NCOR2: variants seen among roughly 807,000 people sequenced by gnomAD.
NCOR2 encodes the protein CTG repeat protein 26.
NCOR2 carries 81 observed loss-of-function variants against 262.9 expected under a neutral mutation model. The ratio of observed to expected loss-of-function variants is 0.31; its 90% CI spans 0.26 to 0.37. The LOEUF (loss-of-function observed/expected upper bound fraction) is 0.37, where lower values mean the gene tolerates loss of function less well. NCOR2 is among the 10% of genes least tolerant of loss of function. NCOR2 has a pLI of 1.00. For synonymous variants in NCOR2, 1,659 were observed against 1,559.3 expected (o/e 1.06, Z -1.51); for missense variants, 3,385 against 3,621.4 (o/e 0.93, Z 1.68).
At chr12:124,474,418 G>GT (rs11415648) in intron 3 of NCOR2, among the ~76,000 whole-genome samples, 150,506 of 152,288 alleles carry the variant, frequency 0.99, 74,378 homozygotes, top group East Asian at 1. Context: ...TAATACAGCT[G>GT]TTTTGAAAAT....
chr12:124,344,506 C>T, intron 32 of NCOR2, 91 bp downstream of exon 34: 6 of 1,209,022 alleles, frequency 5.0e-6, no homozygotes, highest in Non-Finnish European at 6.6e-6. Context: ...CGAGGATATC[C>T]CAGGTGCAAA....
At chr12:124,342,921 T>C in intron 33 of NCOR2, 84 bp downstream of exon 35, 1 of 1,455,926 alleles carries the variant, frequency 6.9e-7, no homozygotes, top group South Asian at 1.3e-5. Context: ...AGTTGATGCC[T>C]AAGGAGTCCC....
In NCOR2 at chr12:124,503,613, C is replaced by CGGATGGATGGACGGACGGACGGATGGAT. The variant is rs1566004953; in HGVS notation, c.-117-8246_-117-8245insATCCATCCGTCCGTCCGTCCATCCATCC. ...ACGGATGGATGGATGGACGGACGGA[C>CGGATGGATGGACGGACGGACGGATGGAT]GGATGGATGGATGGATGGATGGGCG... is the stretch of plus-strand genomic sequence containing the variant. On this transcript the variant is annotated intron_variant, in intron 1 of 46. Coordinates refer to the NCOR2 transcript ENST00000404621. The surrounding 1 kb of genome is among the most constrained non-coding windows in gnomAD (Gnocchi z 4.3). Among the ~76,000 whole-genome samples the CGGATGGATGGACGGACGGACGGATGGAT allele has an allele frequency of 3.3e-3, 456 of 139,210 alleles. 4 individuals are homozygous for CGGATGGATGGACGGACGGACGGATGGAT. The highest frequency in any genetic ancestry group is 0.012 in the African/African-American group (425 of 36,234). The allele number at this position is 139,210 out of a possible 152,430, so 91.3% of individuals were successfully genotyped here.
chr12:124,373,634 TGC>T (rs1366771665), intron 19 of NCOR2, among the ~76,000 whole-genome samples: 192 of 130,652 alleles, frequency 1.5e-3, no homozygotes, highest in East Asian at 0.011. Context: ...GGCCAGTGCG[TGC>T]GCAGGGGCCC....
rs1310269822 is a variant in NCOR2, at chr12:124,378,552, G to T, written c.2020-168C>A. 1.3e-5 allele frequency among the ~76,000 whole-genome samples: 2 copies of T among 152,168 alleles called. No homozygotes were observed. The highest frequency in any genetic ancestry group is 2.1e-4 in the South Asian group (1 of 4,820). On this transcript the variant is annotated intron_variant, in intron 17 of 46. Coordinates refer to ENST00000405201, the Ensembl canonical transcript of NCOR2. This position sits in a 1 kb window ranked among gnomAD's most constrained non-coding sequence, Gnocchi z 4.2. ...CACCTCGGCAGCCAAGCGTGCCAGG[G>T]TTTATTTTTACCGGGGGCTTTATTC...
chr12:124,492,003 C>G (rs1253906179), intron 1 of NCOR2, among the ~76,000 whole-genome samples: 1 of 152,200 alleles, frequency 6.6e-6, no homozygotes, highest in Non-Finnish European at 1.5e-5. Flanking sequence ...TCCATGGTCT[C>G]AGGGTCCAGG....
chr12:124,418,828 C>A (rs1277336269), intron 13 of NCOR2, among the ~76,000 whole-genome samples: 1 of 152,218 alleles, frequency 6.6e-6, no homozygotes, highest in African/African-American at 2.4e-5. Context: ...GCATGCCACT[C>A]CTGCCTACGA....
intron 1 of NCOR2, among the ~76,000 whole-genome samples, chr12:124,528,651 T>C (rs1593990624): frequency 6.6e-6 from 1 of 152,106 alleles, no homozygotes; most frequent in East Asian, 1.9e-4. Context: ...CACACCCTCA[T>C]CTCTCCAGCA....
At chr12:124,477,740 A>G (rs1022891321) in intron 3 of NCOR2, among the ~76,000 whole-genome samples, 1 of 152,168 alleles carries the variant, frequency 6.6e-6, no homozygotes, top group African/African-American at 2.4e-5. Context: ...CTGCAGGTGC[A>G]CTCCTGATGA....
chr12:124,548,517 C>T lies in NCOR2; in HGVS notation c.-164-12906G>A, dbSNP rs867209964. 2.0e-5 allele frequency among the ~76,000 whole-genome samples: 3 copies of T among 152,094 alleles called. No individual in the cohort carries two copies. Among genetic ancestry groups the T allele is most frequent in the South Asian group, 4.2e-4 (2 of 4,812 alleles). ...ATGGTGCCTGGTCTGCCATTCTTTT[C>T]TTTTTGTCATTATTATTGATATGAA... On this transcript the variant is annotated intron_variant, in intron 1 of 32. Transcript: ENST00000458234. This position sits in a 1 kb window ranked among gnomAD's most constrained non-coding sequence, Gnocchi z 5.1.
At chr12:124,380,673 G>A (rs903428565) in intron 17 of NCOR2, among the ~76,000 whole-genome samples, 2 of 152,172 alleles carry the variant, frequency 1.3e-5, no homozygotes, top group Admixed American at 6.5e-5. Flanking sequence ...GCCCTGAGCT[G>A]CCCGGGCGGT....
rs746920494 is a variant in NCOR2 at position 124,445,458 on chromosome 12, G to A, written c.815+4357C>T. Among the ~76,000 whole-genome samples, 4 of 152,342 alleles carry A rather than the reference G, an allele frequency of 2.6e-5. 1 individual carries two copies. In the Middle Eastern group the frequency reaches 0.01, roughly 389 times the overall value. ...GGGCGACTCCAACGCGTCCGAAATC[G>A]TCTGTGCGGCAGGAAGTCAAGCGTG... is the stretch of plus-strand genomic sequence containing the variant. On this transcript the variant is annotated intron_variant, in intron 7 of 46. Coordinates refer to ENST00000405201, the Ensembl canonical transcript of NCOR2.
At chr12:124,381,478 T>C (rs2040404327) in intron 17 of NCOR2, among the ~76,000 whole-genome samples, 1 of 152,006 alleles carries the variant, frequency 6.6e-6, no homozygotes, top group Non-Finnish European at 1.5e-5. Flanking sequence ...CACCAGCTCC[T>C]CAAGGGCTGG....
intron 13 of NCOR2, among the ~76,000 whole-genome samples, chr12:124,410,502 C>A (rs1036107415): frequency 1.3e-5 from 2 of 152,034 alleles, no homozygotes; most frequent in Non-Finnish European, 2.9e-5. Context: ...TCCTGCCCAG[C>A]CCAGCTGGCC....
intron 10 of NCOR2, 77 bp from the exon 13 acceptor site, chr12:124,426,877 A>C (rs2043580107): frequency 7.2e-7 from 1 of 1,387,432 alleles, no homozygotes; most frequent in Admixed American, 2.2e-5. Context: ...CAGGGAAGAC[A>C]CAGAGGGGAC....
At chr12:124,377,110 G>A (rs145668877) in intron 18 of NCOR2, among the ~76,000 whole-genome samples, 28 of 152,310 alleles carry the variant, frequency 1.8e-4, no homozygotes, top group African/African-American at 6.3e-4. Flanking sequence ...TTCAGTTCCC[G>A]GGTCTATACA....
chr12:124,559,361 T>C (rs949940868), intron 1 of NCOR2, among the ~76,000 whole-genome samples: 1 of 152,132 alleles, frequency 6.6e-6, no homozygotes, highest in Non-Finnish European at 1.5e-5. Context: ...TCCAGGGCAT[T>C]CCCTCAGGCC....
rs924464706 is a variant in NCOR2 at position 124,440,261 on chromosome 12, G to A, written c.816-2265C>T. ...GGGAGCCACGCTATGTCCAGCCCCC[G>A]GGACCCCAGCCCCATTGGAAACAGG... On this transcript the variant is annotated intron_variant, in intron 7 of 46. Transcript: ENST00000405201. The surrounding 1 kb of genome is among the most constrained non-coding windows in gnomAD (Gnocchi z 5.7). Among the ~76,000 whole-genome samples the A allele has an allele frequency of 2.6e-5, 4 of 152,128 alleles. No individual in the cohort carries two copies. Among genetic ancestry groups the A allele is most frequent in the Non-Finnish European group, 5.9e-5 (4 of 68,018 alleles).
At chr12:124,407,613 G>C (rs989960042) in intron 13 of NCOR2, among the ~76,000 whole-genome samples, 1 of 152,196 alleles carries the variant, frequency 6.6e-6, no homozygotes, top group Non-Finnish European at 1.5e-5. Context: ...GGTGGATTCC[G>C]GGAATGAGAG....
Sources: gnomAD v4.1 joint callset for allele counts (sites outside exome capture counted in the v4.1 genomes callset) on GRCh38, gnomAD v4.1.1 for gene constraint, Gnocchi (gnomAD v3.1) non-coding constraint, MANE v1.5 for transcripts, NCBI Gene and HGNC (gene_info 2026-07-23, HGNC 2026-07-21) for gene names.